SLC22A2: variants seen among roughly 807,000 people sequenced by gnomAD.
SLC22A2 encodes the protein organic cation transporter 2.
SLC22A2 carries 46 observed loss-of-function variants against 60.5 expected under a neutral mutation model. The ratio of observed to expected loss-of-function variants is 0.76; its 90% CI spans 0.60 to 0.97. SLC22A2 has a LOEUF of 0.97. Among genes scored for constraint, SLC22A2 ranks in the 50% least tolerant of loss-of-function variants. The pLI is 0.00. For missense variants in SLC22A2, 701 were observed against 706.6 expected (o/e 0.99, Z 0.09); for synonymous variants, 303 against 267.0 (o/e 1.13, Z -1.31).
chr6:160,256,463 A>T (rs1189482880), intron 2 of SLC22A2, 151 bp downstream of exon 2: 1 of 618,968 alleles, frequency 1.6e-6, no homozygotes, highest in Non-Finnish European at 2.9e-6. Context: ...CAGCAGAAGA[A>T]ATTTAAGATT....
At chr6:160,238,467 G>A (rs115317401) in intron 9 of SLC22A2, among the ~76,000 whole-genome samples, 1,550 of 152,242 alleles carry the variant, frequency 0.01, 31 homozygotes, top group African/African-American at 0.036. Context: ...ATTACCATTC[G>A]TTTGGCATTT....
intron 2 of SLC22A2, among the ~76,000 whole-genome samples, chr6:160,252,782 T>C (rs1367548468): frequency 6.6e-5 from 10 of 152,228 alleles, no homozygotes; most frequent in African/African-American, 9.6e-5. Context: ...GAGATTTATA[T>C]GCAACTTAGC....
chr6:160,247,059 G>A (rs1783106352), intron 5 of SLC22A2, 125 bp downstream of exon 5: 1 of 619,070 alleles, frequency 1.6e-6, no homozygotes, highest in East Asian at 2.7e-5. Flanking sequence ...TCCGCTACAG[G>A]TAAGCCAAAA....
chr6:160,229,428 A>G (rs1782780987), intron 9 of SLC22A2, among the ~76,000 whole-genome samples: 1 of 151,830 alleles, frequency 6.6e-6, no homozygotes, highest in East Asian at 1.9e-4. Context: ...ATTTACCCAC[A>G]TTTCATTGGT....
chr6:160,236,365 T>G (rs923846259), intron 9 of SLC22A2, among the ~76,000 whole-genome samples: 3 of 152,218 alleles, frequency 2.0e-5, no homozygotes, highest in African/African-American at 7.2e-5. Flanking sequence ...TTTGTTTTGT[T>G]TTTCAGAGTC....
At position 160,249,240 on chromosome 6, in the gene SLC22A2, T is replaced by C. The variant is rs756584538; in HGVS notation, c.818A>G (p.Asn273Ser). The change falls in exon 4 of 11, where the codon AAC (asparagine) becomes AGC (serine). Residue 273 changes from asparagine to serine, a missense_variant. Physicochemically the swap from Asn to Ser is conservative, Grantham distance 46 (BLOSUM62 1). Coordinates refer to ENST00000366953, the MANE Select transcript of SLC22A2 (RefSeq NM_003058.4). ...RWLQFTVSLP[N>S]FFFLLYYWCI... Reference sequence around the variant, plus strand: ...CCAGTAATAGAGCAAGAAGAAGAAGTTGGGCAGAGAAACTGTGAACTGCAA... The same window carrying C: ...CCAGTAATAGAGCAAGAAGAAGAAGCTGGGCAGAGAAACTGTGAACTGCAA... The C allele has an allele frequency of 3.7e-6, 6 of 1,603,212 alleles. No individual in the cohort carries two copies. Among genetic ancestry groups the C allele is most frequent in the South Asian group, 3.4e-5 (3 of 88,342 alleles).
chr6:160,251,900 T>C (rs1284913435), intron 2 of SLC22A2, among the ~76,000 whole-genome samples: 1 of 152,246 alleles, frequency 6.6e-6, no homozygotes, highest in African/African-American at 2.4e-5. Flanking sequence ...AGCAGTTACA[T>C]TGGTAATTAG....
intron 9 of SLC22A2, among the ~76,000 whole-genome samples, chr6:160,226,361 G>A (rs1311348384): frequency 3.9e-5 from 6 of 152,094 alleles, no homozygotes; most frequent in South Asian, 2.1e-4. Context: ...CCACACAGCC[G>A]GCTCTGTGTG....
chr6:160,244,086 T>TTTTA, intron 6 of SLC22A2: 1 of 280,240 alleles, frequency 3.6e-6, no homozygotes, highest in Admixed American at 4.6e-5. Context: ...GAATGATTTA[T>TTTTA]TTTATTTATT....
chr6:160,234,836 A>G (rs957808356), intron 9 of SLC22A2, among the ~76,000 whole-genome samples: 3 of 152,364 alleles, frequency 2.0e-5, no homozygotes, highest in South Asian at 2.1e-4. Context: ...CCATTTTACA[A>G]TGGTGGCCCA....
At chr6:160,226,232 C>T (rs878858110) in intron 9 of SLC22A2, among the ~76,000 whole-genome samples, 2 of 152,168 alleles carry the variant, frequency 1.3e-5, no homozygotes, top group African/African-American at 4.8e-5. Flanking sequence ...TATGATTTCA[C>T]CCCTGACCAA....
rs1783076411 is a variant in SLC22A2, at chr6:160,245,479, G to A, written c.1024C>T (p.Pro342Ser). Residue 342 changes from proline to serine, a missense_variant, in exon 6 of 11, where the codon CCT becomes TCT. Physicochemically the swap from Pro to Ser is moderately conservative, Grantham distance 74 (BLOSUM62 -1). Coordinates refer to ENST00000366953, the MANE Select transcript of SLC22A2 (RefSeq NM_003058.4). ...NPSFLDLVRT[P>S]QIRKHTMILM... ...ATCATAGTATGTTTCCTTATCTGAG[G>A]AGTTCTGACCAAGTCAAGAAATGAA... 6.2e-7 allele frequency: 1 copy of A among 1,607,878 alleles called. No individual in the cohort carries two copies. The highest frequency in any genetic ancestry group is 8.5e-7 in the Non-Finnish European group (1 of 1,175,994).
intron 9 of SLC22A2, among the ~76,000 whole-genome samples, chr6:160,232,675 T>C (rs1483791663): frequency 2.6e-5 from 4 of 151,750 alleles, no homozygotes; most frequent in African/African-American, 4.9e-5. Context: ...CTCAGGACAA[T>C]GCTTATGCTC....
chr6:160,218,284 G>T, intron 10 of SLC22A2: 1 of 185,366 alleles, frequency 5.4e-6, no homozygotes, highest in Non-Finnish European at 1.0e-5. Flanking sequence ...TGGTCTCTCT[G>T]CCAACAACAA....
intron 1 of SLC22A2, 104 bp from the exon 2 acceptor site, chr6:160,256,821 T>C: frequency 1.3e-6 from 1 of 767,762 alleles, no homozygotes; most frequent in South Asian, 1.5e-5. Context: ...TAAATATTCC[T>C]TGAATTGAAC....
chr6:160,253,840 T>C (rs1240591658), intron 2 of SLC22A2, among the ~76,000 whole-genome samples: 1 of 152,196 alleles, frequency 6.6e-6, no homozygotes, highest in Non-Finnish European at 1.5e-5. Context: ...TCTAGCCAAC[T>C]CTATGTCCTG....
intron 2 of SLC22A2, among the ~76,000 whole-genome samples, chr6:160,255,961 A>T (rs1255752947): frequency 6.6e-6 from 1 of 152,188 alleles, no homozygotes; most frequent in Non-Finnish European, 1.5e-5. Flanking sequence ...GATCCATACA[A>T]ACACTGACTA....
intron 3 of SLC22A2, 103 bp downstream of exon 3, chr6:160,250,445 G>T: frequency 1.9e-6 from 2 of 1,038,782 alleles, no homozygotes; most frequent in Non-Finnish European, 3.0e-6. Flanking sequence ...TCTCAATATT[G>T]TCTTGAAGCT....
chr6:160,257,976 G>A (rs1014463481), intron 1 of SLC22A2: 6 of 215,920 alleles, frequency 2.8e-5, no homozygotes, highest in Admixed American at 1.6e-4. Context: ...AGGTGTGTGT[G>A]GGCATCTGCG....
Sources: gnomAD v4.1 joint callset for allele counts (sites outside exome capture counted in the v4.1 genomes callset) on GRCh38, gnomAD v4.1.1 for gene constraint, MANE v1.5 for transcripts, NCBI Gene and HGNC (gene_info 2026-07-23, HGNC 2026-07-21) for gene names.